Variants in SBF2 observed in about 807,000 individuals in gnomAD.
SBF2 encodes myotubularin-related protein 13.
SBF2 carries 112 observed loss-of-function variants against 225.2 expected under a neutral mutation model. The ratio of observed to expected loss-of-function variants is 0.50; its 90% confidence interval spans 0.43 to 0.58. The LOEUF (loss-of-function observed/expected upper bound fraction) is 0.58. Ranked by LOEUF, SBF2 falls within the 20% of genes least tolerant of loss-of-function variation. The pLI is 0.00. For missense variants in SBF2, 1,996 were observed against 2,206.2 expected (o/e 0.90, Z 1.91); for synonymous variants, 763 against 773.3 (o/e 0.99, Z 0.22).
At chr11:10,274,654 G>C (rs1329423314) in intron 1 of SBF2, among the ~76,000 whole-genome samples, 2 of 151,724 alleles carry the variant, frequency 1.3e-5, no homozygotes, top group African/African-American at 4.8e-5. Context: ...AGGAGGCTGA[G>C]GCAGGAGAAT....
chr11:9,798,754 G>A (rs1214669746), intron 32 of SBF2, among the ~76,000 whole-genome samples: 1 of 152,110 alleles, frequency 6.6e-6, no homozygotes, highest in Non-Finnish European at 1.5e-5. Context: ...AGACCATCCT[G>A]GTTAACATGG....
upstream of SBF2, among the ~76,000 whole-genome samples, chr11:10,298,138 C>T (rs1228261964): frequency 6.6e-6 from 1 of 152,210 alleles, no homozygotes. Context: ...CACCTGTAAT[C>T]CCAGCACTTT....
At chr11:9,808,831 C>G in intron 31 of SBF2, 70 bp downstream of exon 31, 1 of 1,146,872 alleles carries the variant, frequency 8.7e-7, no homozygotes, top group Non-Finnish European at 1.3e-6. Context: ...AAAGAGTCAT[C>G]TGAAGAATTT....
chr11:10,212,189 A>G (rs1957965762), intron 1 of SBF2, among the ~76,000 whole-genome samples: 1 of 152,222 alleles, frequency 6.6e-6, no homozygotes, highest in Admixed American at 6.5e-5. Flanking sequence ...GAACATATTT[A>G]TTCCAGACAT....
chr11:10,029,936 T>C, intron 4 of SBF2, 61 bp from the exon 5 acceptor site: 1 of 1,102,886 alleles, frequency 9.1e-7, no homozygotes, highest in Non-Finnish European at 1.4e-6. Context: ...TAAATTGTTA[T>C]GACATCTGCT....
At chr11:9,785,710 T>C (rs1306131200) in intron 36 of SBF2, among the ~76,000 whole-genome samples, 2 of 152,020 alleles carry the variant, frequency 1.3e-5, no homozygotes. Context: ...AAAAATATTT[T>C]AAAAATGAGC....
intron 1 of SBF2, among the ~76,000 whole-genome samples, chr11:10,259,999 T>C (rs1172478032): frequency 6.6e-6 from 1 of 152,216 alleles, no homozygotes; most frequent in African/African-American, 2.4e-5. Flanking sequence ...ACTCCATATA[T>C]TCGAATAGTT....
At chr11:10,099,609 G>C (rs1419599388) in intron 2 of SBF2, among the ~76,000 whole-genome samples, 1 of 151,984 alleles carries the variant, frequency 6.6e-6, no homozygotes, top group Admixed American at 6.6e-5. Flanking sequence ...CTGGTACAAA[G>C]GCTTAAAGAC....
intron 2 of SBF2, among the ~76,000 whole-genome samples, chr11:10,108,364 A>G (rs1166129906): frequency 6.6e-6 from 1 of 152,142 alleles, no homozygotes; most frequent in Non-Finnish European, 1.5e-5. Flanking sequence ...TGGTGGAGTG[A>G]GTCAATGGCT....
intron 2 of SBF2, among the ~76,000 whole-genome samples, chr11:10,129,275 T>A (rs1051428688): frequency 2.6e-5 from 4 of 152,064 alleles, no homozygotes; most frequent in Non-Finnish European, 4.4e-5. Flanking sequence ...AGTTAATTTT[T>A]GTATTTTTAG....
chr11:9,834,599 C>G (rs1289038409), intron 26 of SBF2, among the ~76,000 whole-genome samples: 1 of 152,182 alleles, frequency 6.6e-6, no homozygotes, highest in East Asian at 1.9e-4. Flanking sequence ...TGGAAGCATT[C>G]TGAAAGCCTA....
chr11:10,126,937 G>A (rs1405431031), intron 2 of SBF2, among the ~76,000 whole-genome samples: 1 of 152,048 alleles, frequency 6.6e-6, no homozygotes, highest in Non-Finnish European at 1.5e-5. Context: ...TAAGACACAA[G>A]AGATCAAATA....
At chr11:9,841,135 C>G (rs568537845) in intron 25 of SBF2, among the ~76,000 whole-genome samples, 13 of 152,168 alleles carry the variant, frequency 8.5e-5, no homozygotes, top group Non-Finnish European at 1.5e-4. Flanking sequence ...AGCAGAACAT[C>G]AACAATTAAG....
At chr11:9,835,325 T>C (rs879214623) in intron 26 of SBF2, among the ~76,000 whole-genome samples, 1 of 151,982 alleles carries the variant, frequency 6.6e-6, no homozygotes, top group Admixed American at 6.6e-5. Context: ...TTCTTAAAGA[T>C]TACCACTATC....
At chr11:10,293,356 T>A (rs976875821) in intron 1 of SBF2, among the ~76,000 whole-genome samples, 2 of 152,234 alleles carry the variant, frequency 1.3e-5, no homozygotes, top group Non-Finnish European at 2.9e-5. Context: ...CAAGATCACC[T>A]TCAGCGGTCA....
intron 16 of SBF2, among the ~76,000 whole-genome samples, chr11:9,930,772 G>C (rs1269259376): frequency 6.6e-6 from 1 of 152,230 alleles, no homozygotes; most frequent in East Asian, 1.9e-4. Context: ...AGCCCACGGA[G>C]GGTGAGCCGA....
At chr11:9,931,537 CCTGA>C (rs1189801274) in intron 16 of SBF2, among the ~76,000 whole-genome samples, 3 of 152,154 alleles carry the variant, frequency 2.0e-5, no homozygotes, top group African/African-American at 7.2e-5. Context: ...AGCTGAGGGA[CCTGA>C]CTGTTAAAAG....
chr11:10,210,365 G>C (rs1181745583), intron 1 of SBF2, among the ~76,000 whole-genome samples: 1 of 151,704 alleles, frequency 6.6e-6, no homozygotes, highest in Non-Finnish European at 1.5e-5. Context: ...AAAGGAGGAG[G>C]AGGGAGAGGA....
rs1189637317 is a variant in SBF2, at chr11:10,252,876, C to T, written c.55+41139G>A. Among the ~76,000 whole-genome samples, 5 of 151,592 alleles carry T rather than the reference C, an allele frequency of 3.3e-5. No homozygotes were observed. In the South Asian group the frequency reaches 1.0e-3, roughly 32 times the overall value. On this transcript the variant is annotated intron_variant, in intron 1 of 39. Transcript: ENST00000256190. Reference sequence around the variant, plus strand: ...AGGCAAACACTGAGCTGTAACCAATCCAGCAGTTCTGTACCTCACTTCCGA... The same window carrying T: ...AGGCAAACACTGAGCTGTAACCAATTCAGCAGTTCTGTACCTCACTTCCGA...
Sources: gnomAD v4.1 joint callset for allele counts (sites outside exome capture counted in the v4.1 genomes callset) on GRCh38, gnomAD v4.1.1 for gene constraint, MANE v1.5 for transcripts, NCBI Gene and HGNC (gene_info 2026-07-23, HGNC 2026-07-21) for gene names.